FRMD4A: variants seen among roughly 807,000 people sequenced by gnomAD.
FRMD4A encodes the protein FERM domain containing 4A.
FRMD4A carries 29 observed loss-of-function variants against 129.1 expected under a neutral mutation model. The observed-to-expected ratio is 0.22, with a 90% confidence interval of 0.17 to 0.31. The LOEUF (loss-of-function observed/expected upper bound fraction) is 0.31, where lower values mean the gene tolerates loss of function less well. Among genes scored for constraint, FRMD4A ranks in the 10% least tolerant of loss-of-function variants. FRMD4A has a pLI of 1.00. For synonymous variants in FRMD4A, 634 were observed against 571.6 expected (o/e 1.11, Z -1.56); for missense variants, 1,272 against 1,375.8 (o/e 0.92, Z 1.19).
At chr10:14,027,585 C>T (rs1588814969) in intron 2 of FRMD4A, among the ~76,000 whole-genome samples, 1 of 152,334 alleles carries the variant, frequency 6.6e-6, no homozygotes, top group African/African-American at 2.4e-5. Flanking sequence ...CATTGCACTC[C>T]AGCCTGAACA....
chr10:13,875,960 G>T (rs998711061), intron 2 of FRMD4A, among the ~76,000 whole-genome samples: 18 of 152,180 alleles, frequency 1.2e-4, no homozygotes, highest in African/African-American at 4.3e-4. Flanking sequence ...ACTTTGCTTT[G>T]GTGGGCAAAA....
chr10:13,806,617 T>A (rs932052193), intron 4 of FRMD4A, among the ~76,000 whole-genome samples: 1 of 152,154 alleles, frequency 6.6e-6, no homozygotes. Flanking sequence ...TACTGCAACA[T>A]GCCCGCTGTC....
rs1377651347 is a variant in FRMD4A at position 14,213,761 on chromosome 10, G to A, written c.45+116297C>T. 5.9e-5 allele frequency among the ~76,000 whole-genome samples: 9 copies of A among 152,212 alleles called. No homozygotes were observed. In the South Asian group the frequency reaches 1.9e-3, roughly 32 times the overall value. ...CCCCACCCAAATCTCATCTTGAATT[G>A]TAGCTCCCATAATCCCCAAGTGTTG... is the stretch of plus-strand genomic sequence containing the variant. On this transcript the variant is annotated intron_variant, in intron 2 of 24. Coordinates refer to ENST00000357447, the MANE Select transcript of FRMD4A (RefSeq NM_018027.5).
chr10:14,076,424 A>G (rs536687260), intron 2 of FRMD4A, among the ~76,000 whole-genome samples: 2 of 152,116 alleles, frequency 1.3e-5, no homozygotes, highest in Non-Finnish European at 2.9e-5. Flanking sequence ...GTGGATCATG[A>G]GGTCAGGAGA....
intron 2 of FRMD4A, among the ~76,000 whole-genome samples, chr10:13,987,557 T>C (rs921650814): frequency 3.3e-5 from 5 of 152,206 alleles, no homozygotes; most frequent in African/African-American, 1.2e-4. Flanking sequence ...GCTGAGACCC[T>C]GATCACTCCC....
intron 2 of FRMD4A, among the ~76,000 whole-genome samples, chr10:13,872,945 G>C (rs892114163): frequency 2.0e-5 from 3 of 152,136 alleles, no homozygotes; most frequent in African/African-American, 4.8e-5. Flanking sequence ...GGAGGCGGAG[G>C]GGGGCAGATC....
chr10:13,745,402 G>A (rs977512006), intron 9 of FRMD4A, among the ~76,000 whole-genome samples: 3 of 152,092 alleles, frequency 2.0e-5, no homozygotes, highest in East Asian at 1.9e-4. Context: ...TGGCTCCCCC[G>A]TCCTGCCACA....
chr10:14,293,395 C>T (rs1002718841), intron 2 of FRMD4A, among the ~76,000 whole-genome samples: 2 of 152,152 alleles, frequency 1.3e-5, no homozygotes, highest in Non-Finnish European at 2.9e-5. Context: ...CAAATAAATT[C>T]GTATTGCTTA....
chr10:14,080,273 C>T (rs1321137162), intron 2 of FRMD4A, among the ~76,000 whole-genome samples: 2 of 152,234 alleles, frequency 1.3e-5, no homozygotes, highest in African/African-American at 4.8e-5. Context: ...TCCAAACAGC[C>T]CATTCCCTGC....
chr10:13,848,595 AGT>A (rs1397039254), intron 3 of FRMD4A, among the ~76,000 whole-genome samples: 1 of 134,402 alleles, frequency 7.4e-6, no homozygotes. Context: ...CCTGGGTGTG[AGT>A]GTGTGTGTGT....
At chr10:14,168,171 CTT>C (rs781681060) in intron 2 of FRMD4A, among the ~76,000 whole-genome samples, 2 of 152,160 alleles carry the variant, frequency 1.3e-5, no homozygotes, top group Non-Finnish European at 2.9e-5. Context: ...GACGCTTGGA[CTT>C]TCTCATGAGG....
chr10:14,300,028 C>G (rs1846134091), intron 2 of FRMD4A, among the ~76,000 whole-genome samples: 1 of 151,852 alleles, frequency 6.6e-6, no homozygotes, highest in African/African-American at 2.4e-5. Flanking sequence ...AATTTCTCCC[C>G]AGAATCCAGA....
intron 2 of FRMD4A, among the ~76,000 whole-genome samples, chr10:14,185,464 A>G (rs11258923): frequency 0.018 from 2,739 of 152,328 alleles, 87 homozygotes; most frequent in African/African-American, 0.062. Context: ...AAATTAGTAC[A>G]AAAAACATTA....
chr10:13,958,415 C>CTGG (rs1413918277), intron 2 of FRMD4A, among the ~76,000 whole-genome samples: 1 of 150,414 alleles, frequency 6.6e-6, no homozygotes, highest in East Asian at 2.0e-4. Context: ...TCCTGAGTAG[C>CTGG]TGGGACCACA....
In FRMD4A at chr10:13,694,003, C is replaced by T; in HGVS notation, c.1012G>A (p.Ala338Thr). 6.5e-7 allele frequency: 1 copy of T among 1,534,040 alleles called. No homozygotes were observed. The highest frequency in any genetic ancestry group is 1.3e-5 in the South Asian group (1 of 76,764). The change falls in exon 15 of 25, where the codon GCC becomes ACC. Residue 338 changes from alanine to threonine, a missense_variant. Around this residue, in one of 2 missense-constraint regions of FRMD4A, gnomAD observed 300 missense variants for 483.6 expected, o/e 0.62. Coordinates refer to ENST00000357447, the MANE Select transcript of FRMD4A (RefSeq NM_018027.5). ...IHAARSLSEI[A>T]IDLTETGTLK... ...GTCCCCGTCTCGGTCAGGTCGATGG[C>T]GATCTCACTCAGGCTGCGTGCTGCA...
chr10:13,974,006 G>A (rs1350771283), intron 2 of FRMD4A, among the ~76,000 whole-genome samples: 1 of 149,710 alleles, frequency 6.7e-6, no homozygotes, highest in Non-Finnish European at 1.5e-5. Context: ...TTATGGACTG[G>A]ATAGGGACAG....
chr10:14,020,664 C>A (rs1325760774), intron 2 of FRMD4A, among the ~76,000 whole-genome samples: 3 of 150,382 alleles, frequency 2.0e-5, no homozygotes, highest in Non-Finnish European at 4.4e-5. Flanking sequence ...AAGGCAGCCC[C>A]AATTTTTTTT....
intron 9 of FRMD4A, among the ~76,000 whole-genome samples, chr10:13,741,618 T>A (rs2104492): frequency 2.0e-5 from 3 of 151,976 alleles, no homozygotes; most frequent in African/African-American, 7.3e-5. Context: ...CCAGTCCTGT[T>A]CACACAGGGC....
chr10:14,253,948 C>T (rs537836925), intron 2 of FRMD4A, among the ~76,000 whole-genome samples: 15 of 152,216 alleles, frequency 9.9e-5, no homozygotes, highest in East Asian at 9.6e-4. Context: ...AGAGACCTTT[C>T]GACACCTCCA....
Sources: gnomAD v4.1 joint callset for allele counts (sites outside exome capture counted in the v4.1 genomes callset) on GRCh38, gnomAD v4.1.1 for gene constraint, gnomAD v4.1.1 regional missense constraint, MANE v1.5 for transcripts, NCBI Gene and HGNC (gene_info 2026-07-23, HGNC 2026-07-21) for gene names.